HHAT: variants seen among roughly 807,000 people sequenced by gnomAD.
The protein encoded by HHAT is hedgehog acyltransferase.
HHAT carries 47 observed loss-of-function variants against 70.8 expected under a neutral mutation model. That is an observed-to-expected ratio of 0.66 (90% CI 0.53 to 0.85). HHAT has a LOEUF of 0.85. Among genes scored for constraint, HHAT ranks in the 40% least tolerant of loss-of-function variants. The pLI is 0.00. For missense variants in HHAT, 609 were observed against 604.8 expected (o/e 1.01, Z -0.07); for synonymous variants, 228 against 247.6 (o/e 0.92, Z 0.74).
chr1:210,559,844 A>G (rs1328291844), intron 9 of HHAT, among the ~76,000 whole-genome samples: 1 of 152,196 alleles, frequency 6.6e-6, no homozygotes, highest in African/African-American at 2.4e-5. Flanking sequence ...CATTATTGAA[A>G]CAGTGTATCA....
At chr1:210,420,063 A>T (rs969950030) in intron 7 of HHAT, among the ~76,000 whole-genome samples, 1 of 152,198 alleles carries the variant, frequency 6.6e-6, no homozygotes, top group Non-Finnish European at 1.5e-5. Flanking sequence ...TTAAGAACTA[A>T]CCAGAATCGT....
intron 11 of HHAT, among the ~76,000 whole-genome samples, chr1:210,648,354 A>G (rs1202515122): frequency 6.6e-6 from 1 of 152,232 alleles, no homozygotes; most frequent in African/African-American, 2.4e-5. Context: ...ACTGATCCTC[A>G]GAGGCCTAGT....
chr1:210,429,642 A>G (rs1161413441), intron 7 of HHAT, among the ~76,000 whole-genome samples: 1 of 151,578 alleles, frequency 6.6e-6, no homozygotes, highest in African/African-American at 2.4e-5. Flanking sequence ...TATGCTTCAT[A>G]TTGTATCTGT....
intron 11 of HHAT, among the ~76,000 whole-genome samples, chr1:210,658,649 A>G (rs1049901369): frequency 6.6e-6 from 1 of 152,176 alleles, no homozygotes; most frequent in Non-Finnish European, 1.5e-5. Context: ...TCTCAGCACC[A>G]CACTGCAATT....
At chr1:210,607,846 C>A (rs565866646) in intron 10 of HHAT, among the ~76,000 whole-genome samples, 19 of 152,200 alleles carry the variant, frequency 1.2e-4, no homozygotes, top group African/African-American at 4.6e-4. Context: ...ATACCCACCC[C>A]CTAACAACCA....
chr1:210,577,917 G>T, intron 9 of HHAT, among the ~76,000 whole-genome samples: 1 of 152,094 alleles, frequency 6.6e-6, no homozygotes, highest in South Asian at 2.1e-4. Flanking sequence ...AAGTTCTGGG[G>T]TTACAGATGT....
chr1:210,622,065 C>A (rs973283906), intron 10 of HHAT, among the ~76,000 whole-genome samples: 3 of 152,258 alleles, frequency 2.0e-5, no homozygotes, highest in Non-Finnish European at 4.4e-5. Context: ...ACCATGATGC[C>A]AAAGCAGTCA....
chr1:210,347,360 G>A (rs953041074), intron 1 of HHAT, among the ~76,000 whole-genome samples: 1 of 152,140 alleles, frequency 6.6e-6, no homozygotes, highest in African/African-American at 2.4e-5. Context: ...CCAGGCTGTT[G>A]TGAAAACAAA....
intron 9 of HHAT, among the ~76,000 whole-genome samples, chr1:210,525,812 A>C (rs958402231): frequency 2.6e-5 from 4 of 152,188 alleles, no homozygotes; most frequent in African/African-American, 9.6e-5. Context: ...CATAGTTTTA[A>C]ATGTAAAAAG....
At chr1:210,553,691 G>C (rs774093250) in intron 9 of HHAT, among the ~76,000 whole-genome samples, 7 of 152,168 alleles carry the variant, frequency 4.6e-5, no homozygotes, top group Admixed American at 3.3e-4. Flanking sequence ...TGCAGTGTGA[G>C]CTTCCCAAAT....
At chr1:210,334,196 T>TTTTTTTTTTTTTTTTTTTTTTTTA in intron 1 of HHAT, among the ~76,000 whole-genome samples, 1 of 146,440 alleles carries the variant, frequency 6.8e-6, no homozygotes, top group African/African-American at 2.6e-5. Flanking sequence ...TTTTTTTTTT[T>TTTTTTTTTTTTTTTTTTTTTTTTA]TTGAGAAAGG....
chr1:210,411,432 G>A (rs1210956244), intron 6 of HHAT, among the ~76,000 whole-genome samples: 13 of 152,282 alleles, frequency 8.5e-5, no homozygotes, highest in African/African-American at 2.2e-4. Context: ...CCATTATCAC[G>A]TTCAGCTAGA....
chr1:210,667,515 A>T (rs1188552324), intron 11 of HHAT, among the ~76,000 whole-genome samples: 1 of 152,206 alleles, frequency 6.6e-6, no homozygotes, highest in South Asian at 2.1e-4. Context: ...ATTTGCTAAC[A>T]TCCCAATGTT....
At chr1:210,521,254 T>C (rs1413360428) in intron 9 of HHAT, among the ~76,000 whole-genome samples, 1 of 152,208 alleles carries the variant, frequency 6.6e-6, no homozygotes, top group Non-Finnish European at 1.5e-5. Context: ...TCACTGCTTG[T>C]AGTGTCTTTT....
intron 9 of HHAT, among the ~76,000 whole-genome samples, chr1:210,521,640 G>A (rs1448015789): frequency 6.6e-6 from 1 of 152,168 alleles, no homozygotes; most frequent in Non-Finnish European, 1.5e-5. Context: ...AGTGTTTCTT[G>A]GATGGTGTGG....
intron 11 of HHAT, among the ~76,000 whole-genome samples, chr1:210,651,264 T>C (rs1218644274): frequency 6.6e-6 from 1 of 152,086 alleles, no homozygotes; most frequent in Non-Finnish European, 1.5e-5. Context: ...CAGTTGGGAG[T>C]TAGATGGCAT....
chr1:210,543,294 AT>A (rs952732270), intron 9 of HHAT, among the ~76,000 whole-genome samples: 13 of 151,238 alleles, frequency 8.6e-5, no homozygotes, highest in African/African-American at 2.9e-4. Context: ...CTTTCTCTGA[AT>A]TTTTTTTTCC....
At position 210,474,334 on chromosome 1, in the gene HHAT, A is replaced by G. The variant is rs551960208; in HGVS notation, c.1007+9679A>G. On this transcript the variant is annotated intron_variant, in intron 8 of 11. Coordinates refer to ENST00000261458, the MANE Select transcript of HHAT (RefSeq NM_018194.6). ...GAGACAGGCTCTCGCTCTGTTGCCG[A>G]GGCTAGATTGCAGTGGCGCCATCAC... Among the ~76,000 whole-genome samples, 7 of 152,332 alleles carry G rather than the reference A, an allele frequency of 4.6e-5. No individual in the cohort carries two copies. In the South Asian group the frequency reaches 1.5e-3, roughly 32 times the overall value.
chr1:210,339,613 G>A (rs1448333146), intron 1 of HHAT, among the ~76,000 whole-genome samples: 1 of 152,024 alleles, frequency 6.6e-6, no homozygotes, highest in Admixed American at 6.5e-5. Context: ...GCCTGGGGGA[G>A]AAGGGAGGTG....
Sources: allele counts gnomAD v4.1 joint callset (sites outside exome capture counted in the v4.1 genomes callset), GRCh38; gene constraint gnomAD v4.1.1; transcripts MANE v1.5; gene names NCBI Gene and HGNC (gene_info 2026-07-23, HGNC 2026-07-21).